The following SPAG17 variants were observed in gnomAD, a reference collection of about 807,000 sequenced individuals.
SPAG17 encodes the protein sperm-associated antigen 17.
In SPAG17, 169 loss-of-function variants were observed where a neutral mutation model predicts 273.6. The observed-to-expected ratio is 0.62, with a 90% CI of 0.55 to 0.70. The LOEUF is 0.70. Among genes scored for constraint, SPAG17 ranks in the 30% least tolerant of loss-of-function variants. The pLI is 0.00. For missense variants in SPAG17, 2,557 were observed against 2,627.8 expected, an observed-to-expected ratio of 0.97 and a Z score of 0.59; for synonymous variants, 825 against 873.2, an observed-to-expected ratio of 0.94 and a Z score of 0.97.
rs749334572 is a variant in SPAG17, at chr1:117,991,448, T to C, written c.5442A>G (p.Arg1814=). Residue 1814 remains arginine (R), a synonymous_variant, in exon 37 of 49, where the codon AGA becomes AGG. Transcript: ENST00000336338. The part of the protein sequence containing the change: ...MVKDSRTEEE[R]GNAADLLKLV... The stretch of plus-strand genomic sequence containing the variant: ...GCTTGAGGAGATCAGCAGCATTGCC[T>C]CTCTCCTCCTCAGTTCTGGAATCTT... 4 of 1,611,158 alleles carry C rather than the reference T, an allele frequency of 2.5e-6. No individual in the cohort carries two copies. Among genetic ancestry groups the C allele is most frequent in the East Asian group, 2.2e-5 (1 of 44,694 alleles).
chr1:117,974,828 A>G (rs185195744), intron 43 of SPAG17, among the ~76,000 whole-genome samples: 37 of 152,272 alleles, frequency 2.4e-4, no homozygotes, highest in Non-Finnish European at 3.4e-4. Flanking sequence ...AAGGAAGGGG[A>G]CTAATATTTG....
intron 23 of SPAG17, among the ~76,000 whole-genome samples, chr1:118,038,698 A>G (rs1182377798): frequency 6.6e-6 from 1 of 152,170 alleles, no homozygotes; most frequent in Non-Finnish European, 1.5e-5. Flanking sequence ...TATAATTCCA[A>G]CTACATGCTA....
chr1:117,963,651 ACCGGGC>A (rs1177888742), intron 48 of SPAG17, 142 bp downstream of exon 48: 1 of 665,610 alleles, frequency 1.5e-6, no homozygotes, highest in Non-Finnish European at 2.4e-6. Flanking sequence ...GGTGTGAGCC[ACCGGGC>A]CCGGCCTAAA....
chr1:117,989,791 G>C, intron 38 of SPAG17, among the ~76,000 whole-genome samples: 1 of 152,002 alleles, frequency 6.6e-6, no homozygotes, highest in Middle Eastern at 3.4e-3. Context: ...TGTTGCCCAG[G>C]CTGGTCTCCA....
intron 41 of SPAG17, among the ~76,000 whole-genome samples, 198 bp downstream of exon 41, chr1:117,984,485 C>T (rs1656186198): frequency 6.6e-6 from 1 of 152,172 alleles, no homozygotes; most frequent in African/African-American, 2.4e-5. Flanking sequence ...AGAACTTCTA[C>T]TTAGGTGCAA....
At chr1:118,089,255 C>T (rs150674690) in intron 10 of SPAG17, among the ~76,000 whole-genome samples, 325 of 150,704 alleles carry the variant, frequency 2.2e-3, no homozygotes, top group African/African-American at 7.7e-3. Context: ...GCTTTCTAGG[C>T]AGAGAAGGTA....
chr1:117,981,504 A>C, intron 42 of SPAG17, 103 bp from the exon 43 acceptor site: 1 of 1,224,254 alleles, frequency 8.2e-7, no homozygotes, highest in South Asian at 1.5e-5. Flanking sequence ...TTTTACAATG[A>C]ATGAGGTACC....
At chr1:118,064,266 G>T (rs1157684668) in intron 18 of SPAG17, among the ~76,000 whole-genome samples, 1 of 152,022 alleles carries the variant, frequency 6.6e-6, no homozygotes, top group Admixed American at 6.6e-5. Flanking sequence ...AAATCATGCT[G>T]CCATAAAGAC....
intron 43 of SPAG17, among the ~76,000 whole-genome samples, chr1:117,980,200 C>T (rs1315584494): frequency 2.0e-5 from 3 of 152,010 alleles, no homozygotes; most frequent in Admixed American, 6.6e-5. Context: ...ACACAAAAGT[C>T]TTGTATGGGG....
chr1:118,097,820 AT>A lies in SPAG17; in HGVS notation c.860del (p.Asn287MetfsTer3). The A allele has an allele frequency of 6.3e-7, 1 of 1,591,052 alleles. No homozygotes were observed. Among genetic ancestry groups the A allele is most frequent in the African/African-American group, 1.4e-5 (1 of 73,502 alleles). ...AGAAAGTTTTAAGCTCTTTTATGGC[AT>A]TTTCTTTCTTCAATTTTTCTGCTTC... ...DLEAEKLKKE[N>X]AIKELKTFWK... On this transcript the variant is annotated frameshift_variant, in exon 7 of 49. Transcript: ENST00000336338. LOFTEE classifies it high-confidence loss of function.
In SPAG17 at chr1:118,163,686, C is replaced by G. The variant is rs535990287; in HGVS notation, c.88-12317G>C. On this transcript the variant is annotated intron_variant, in intron 1 of 48. Transcript: ENST00000336338. Reference sequence around the variant, plus strand: ...TTCACACATACATGGCCATCTTCACCTAAGCCCAGACTCCCCACTAACCAT... The same window carrying G: ...TTCACACATACATGGCCATCTTCACGTAAGCCCAGACTCCCCACTAACCAT... 5.3e-5 allele frequency among the ~76,000 whole-genome samples: 8 copies of G among 151,962 alleles called. No individual in the cohort carries two copies. The South Asian group carries it at 1.7e-3, about 32-fold the overall frequency.
At chr1:118,093,431 C>A (rs890859192) in intron 7 of SPAG17, 114 bp from the exon 8 acceptor site, 1 of 1,029,772 alleles carries the variant, frequency 9.7e-7, no homozygotes, top group Non-Finnish European at 1.4e-6. Flanking sequence ...GGAAAGCAAA[C>A]CCCTAAATCT....
chr1:118,101,984 C>G lies in SPAG17; in HGVS notation c.448-58G>C, dbSNP rs1386614024. 2.9e-6 allele frequency: 4 copies of G among 1,391,268 alleles called. No homozygotes were observed. In the East Asian group the frequency reaches 6.8e-5, roughly 24 times the overall value. 86.2% of individuals were successfully genotyped at this position (1,391,268 alleles called of 1,614,324 possible). A position where few individuals can be genotyped will look rare whatever the true frequency, so the allele number is the denominator to read the frequency against. On this transcript the variant is annotated intron_variant, in intron 4 of 48. Coordinates refer to ENST00000336338, the MANE Select transcript of SPAG17 (RefSeq NM_206996.4). ...AAACAGTGAGCAAGCAATGGCTTTT[C>G]TACTGCCAGGTGAATTAATTCTTCA... is the stretch of plus-strand genomic sequence containing the variant.
At chr1:118,063,744 T>C (rs1652616811) in intron 18 of SPAG17, among the ~76,000 whole-genome samples, 1 of 152,100 alleles carries the variant, frequency 6.6e-6, no homozygotes, top group African/African-American at 2.4e-5. Flanking sequence ...TGGGATCTCA[T>C]TAAACTAAAG....
rs375014476 is a variant in SPAG17 at position 118,012,360 on chromosome 1, G to A, written c.4300C>T (p.Arg1434Ter). The change falls in exon 30 of 49, where the codon CGA becomes TGA. Residue 1434 changes from arginine (R) to a stop codon, truncating the protein, a stop_gained. Transcript: ENST00000336338. LOFTEE classifies it high-confidence loss of function. ...TCAACTATGACAACTTTGTCTTCTC[G>A]AGTTGTCATAACCTGAACATGAAGA... ...DPVNGTVMTT[R>*]EDKVVIVERK... The A allele has an allele frequency of 5.0e-6, 8 of 1,612,662 alleles. No individual in the cohort carries two copies. The highest frequency in any genetic ancestry group is 1.3e-5 in the African/African-American group (1 of 74,848).
At chr1:118,116,919 T>G (rs1050494615) in intron 3 of SPAG17, among the ~76,000 whole-genome samples, 2 of 152,126 alleles carry the variant, frequency 1.3e-5, no homozygotes, top group African/African-American at 4.8e-5. Context: ...CTGTGATTTT[T>G]GGGAGCAGAA....
intron 10 of SPAG17, among the ~76,000 whole-genome samples, chr1:118,091,187 T>C (rs1655347981): frequency 6.6e-6 from 1 of 152,116 alleles, no homozygotes; most frequent in Non-Finnish European, 1.5e-5. Flanking sequence ...TATTAAGACA[T>C]ATTCATTAAG....
chr1:118,131,004 C>A (rs1300970932), intron 3 of SPAG17, among the ~76,000 whole-genome samples: 1 of 152,166 alleles, frequency 6.6e-6, no homozygotes, highest in Non-Finnish European at 1.5e-5. Context: ...ACTTCTGGAA[C>A]TGACTAGTCT....
At chr1:117,959,187 G>A (rs1469388196) in intron 48 of SPAG17, 1 of 1,429,942 alleles carries the variant, frequency 7.0e-7, no homozygotes, top group Non-Finnish European at 9.4e-7. Flanking sequence ...ATGAGGGAAA[G>A]ATAAGTAACA....
Sources: allele counts gnomAD v4.1 joint callset (sites outside exome capture counted in the v4.1 genomes callset), GRCh38; gene constraint gnomAD v4.1.1; transcripts MANE v1.5; gene names NCBI Gene and HGNC (gene_info 2026-07-23, HGNC 2026-07-21).